The following TACC2 variants were observed in gnomAD, a reference collection of about 807,000 sequenced individuals.
The protein encoded by TACC2 is transforming acidic coiled-coil-containing protein 2.
In TACC2, 137 loss-of-function variants were observed where a neutral mutation model predicts 227.3. The ratio of observed to expected loss-of-function variants is 0.60; its 90% CI spans 0.52 to 0.69. TACC2 has a LOEUF of 0.69. Among genes scored for constraint, TACC2 ranks in the 30% least tolerant of loss-of-function variants. TACC2 has a pLI of 0.00. For missense variants in TACC2, 3,470 were observed against 3,694.4 expected, an observed-to-expected ratio of 0.94 and a Z score of 1.57; for synonymous variants, 1,523 against 1,487.5, an observed-to-expected ratio of 1.02 and a Z score of -0.55.
At chr10:122,226,222 CCT>C in intron 12 of TACC2, 142 bp from the exon 13 acceptor site, 1 of 623,612 alleles carries the variant, frequency 1.6e-6, no homozygotes, top group Admixed American at 2.7e-5. Context: ...CCCACTTCCT[CCT>C]CTCTTCCTGG....
intron 3 of TACC2, chr10:122,051,765 C>A: frequency 8.2e-6 from 1 of 122,460 alleles, no homozygotes; most frequent in East Asian, 2.3e-4. Flanking sequence ...CTCAAAGTGA[C>A]TTTTTTTTTT....
intron 7 of TACC2, among the ~76,000 whole-genome samples, chr10:122,193,990 T>G (rs2094489829): frequency 6.6e-6 from 1 of 152,178 alleles, no homozygotes; most frequent in African/African-American, 2.4e-5. Context: ...CAGTCATAGC[T>G]CACTGCAGCC....
chr10:122,134,828 G>A (rs1025372787), intron 6 of TACC2, among the ~76,000 whole-genome samples: 1 of 152,210 alleles, frequency 6.6e-6, no homozygotes, highest in Non-Finnish European at 1.5e-5. Context: ...GGACTTGGCG[G>A]GATGGCTCTC....
At position 122,085,332 on chromosome 10, in the gene TACC2, A is replaced by G. The variant is rs1283952053; in HGVS notation, c.2832A>G (p.Leu944=). ...SAPTRQKLPA[L]GEKRPEGACG... ...CAACGAGACAGAAGTTGCCTGCACT[A>G]GGGGAGAAGCGGCCAGAGGGAGCAT... Residue 944 remains leucine (L), a synonymous_variant, in exon 4 of 23, where the codon CTA becomes CTG. Transcript: ENST00000369005. The G allele has an allele frequency of 6.2e-7, 1 of 1,613,928 alleles. No individual in the cohort carries two copies. Among genetic ancestry groups the G allele is most frequent in the Non-Finnish European group, 8.5e-7 (1 of 1,180,046 alleles).
chr10:122,070,528 C>G (rs573933031), intron 3 of TACC2, among the ~76,000 whole-genome samples: 1 of 151,900 alleles, frequency 6.6e-6, no homozygotes, highest in Non-Finnish European at 1.5e-5. Flanking sequence ...CTAAGGCGGG[C>G]GGATCACCTG....
chr10:122,203,655 A>G (rs1322184686), intron 8 of TACC2, among the ~76,000 whole-genome samples: 2 of 141,160 alleles, frequency 1.4e-5, no homozygotes, highest in African/African-American at 2.7e-5. Flanking sequence ...CCGGGAAGAG[A>G]CGCTCCTCAC....
intron 2 of TACC2, among the ~76,000 whole-genome samples, chr10:122,041,758 A>G (rs1379027550): frequency 6.6e-6 from 1 of 151,972 alleles, no homozygotes; most frequent in Non-Finnish European, 1.5e-5. Flanking sequence ...GACAGCAGAG[A>G]GTTTCTTTAC....
chr10:122,240,708 A>G (rs2095972482), intron 18 of TACC2, among the ~76,000 whole-genome samples: 1 of 152,168 alleles, frequency 6.6e-6, no homozygotes, highest in African/African-American at 2.4e-5. Context: ...CTGGATCTTC[A>G]ACAGTTATCC....
intron 3 of TACC2, among the ~76,000 whole-genome samples, chr10:122,071,345 G>C (rs1043760085): frequency 6.6e-6 from 1 of 152,134 alleles, no homozygotes; most frequent in African/African-American, 2.4e-5. Context: ...CTGGCTATGG[G>C]GAGTACTGGT....
rs573312725 is a variant in TACC2, at chr10:122,019,140, C to T, written c.-45-2797C>T. ...GTCTTTGGGTCGGTACTCTGCCCCA[C>T]CGGAGGTCCACAGGGCCTCCTCCAT... On this transcript the variant is annotated intron_variant, in intron 1 of 22. Coordinates refer to ENST00000369005, the MANE Select transcript of TACC2 (RefSeq NM_206862.4). Among the ~76,000 whole-genome samples the T allele has an allele frequency of 9.8e-5, 15 of 152,332 alleles. No homozygotes were observed. The South Asian group carries it at 3.1e-3, about 32-fold the overall frequency.
chr10:122,125,033 G>A (rs1357158910), intron 5 of TACC2, among the ~76,000 whole-genome samples: 1 of 151,460 alleles, frequency 6.6e-6, no homozygotes, highest in Non-Finnish European at 1.5e-5. Context: ...CTGCAGCTGG[G>A]AAATCGCCAT....
intron 7 of TACC2, among the ~76,000 whole-genome samples, chr10:122,190,870 A>G (rs530394464): frequency 3.3e-5 from 5 of 152,322 alleles, no homozygotes; most frequent in African/African-American, 7.2e-5. Flanking sequence ...TTATACAAGC[A>G]TATTGTAAAT....
intron 16 of TACC2, among the ~76,000 whole-genome samples, chr10:122,236,790 T>C (rs181725764): frequency 2.6e-5 from 4 of 152,306 alleles, no homozygotes; most frequent in Non-Finnish European, 5.9e-5. Flanking sequence ...AACTCTTACA[T>C]AACTCTAACA....
In TACC2 at chr10:122,085,048, C is replaced by G. The variant is rs779158034; in HGVS notation, c.2548C>G (p.Gln850Glu). ...CTTTGACGTGCTCAAGGAGCAGGCC[C>G]AGCCACCTGAAAATGGGAAAGAGAC... ...SIFDVLKEQA[Q>E]PPENGKETSP... The change falls in exon 4 of 23, where the codon CAG (glutamine) becomes GAG (glutamate). Residue 850 changes from glutamine to glutamate, a missense_variant. By Grantham distance (29) the Gln-to-Glu change is conservative. Coordinates refer to ENST00000369005, the MANE Select transcript of TACC2 (RefSeq NM_206862.4). 1.1e-5 allele frequency: 18 copies of G among 1,614,056 alleles called. No individual in the cohort carries two copies. Among genetic ancestry groups the G allele is most frequent in the Non-Finnish European group, 1.5e-5 (18 of 1,180,038 alleles).
chr10:122,073,126 A>AAAAAAAAT (rs1383487943), intron 3 of TACC2, among the ~76,000 whole-genome samples: 29 of 70,998 alleles, frequency 4.1e-4, no homozygotes, highest in South Asian at 1.6e-3. Flanking sequence ...AAAAAAAAAA[A>AAAAAAAAT]ATATATATAT....
Position 122,211,964 on chromosome 10 carries a change from G to A in TACC2, c.7283+256G>A, listed in dbSNP as rs140917396. 6.6e-3 allele frequency among the ~76,000 whole-genome samples: 1,009 copies of A among 152,280 alleles called. 15 individuals are homozygous for A. Among genetic ancestry groups the A allele is most frequent in the African/African-American group, 0.022 (923 of 41,546 alleles). On this transcript the variant is annotated intron_variant, in intron 9 of 22. Coordinates refer to ENST00000369005, the MANE Select transcript of TACC2 (RefSeq NM_206862.4). Reference sequence around the variant, plus strand: ...TTTTGCTTTAATAAATCAATGGGCTGGAGCTTTACTTGTAGCCAAAGACCT... The same window carrying A: ...TTTTGCTTTAATAAATCAATGGGCTAGAGCTTTACTTGTAGCCAAAGACCT...
rs975074198 is a variant in TACC2 at position 122,141,305 on chromosome 10, G to C, written c.5700-2267G>C. ...TTCCTCGTGGGAGCCTGACCTCCTCGGCCCCTGGGTATGAGCCAACAGGCG... is the reference window on the plus strand; with the variant it reads ...TTCCTCGTGGGAGCCTGACCTCCTCCGCCCCTGGGTATGAGCCAACAGGCG... On this transcript the variant is annotated intron_variant, in intron 6 of 22. Coordinates refer to ENST00000369005, the MANE Select transcript of TACC2 (RefSeq NM_206862.4). The surrounding 1 kb of genome is among the most constrained non-coding windows in gnomAD (Gnocchi z 4.3). Among the ~76,000 whole-genome samples the C allele has an allele frequency of 6.6e-6, 1 of 152,242 alleles. No individual in the cohort carries two copies.
chr10:122,091,263 A>T (rs902646226), intron 5 of TACC2, among the ~76,000 whole-genome samples: 1 of 152,084 alleles, frequency 6.6e-6, no homozygotes, highest in African/African-American at 2.4e-5. Context: ...TGAAAAAAAA[A>T]GAAAATACAT....
intron 6 of TACC2, among the ~76,000 whole-genome samples, chr10:122,135,507 T>A (rs1197181577): frequency 1.3e-5 from 2 of 152,298 alleles, no homozygotes; most frequent in East Asian, 3.9e-4. Context: ...GAATGAGCAA[T>A]TTTGGTGCCT....
Sources: gnomAD v4.1 joint callset for allele counts (sites outside exome capture counted in the v4.1 genomes callset) on GRCh38, gnomAD v4.1.1 for gene constraint, Gnocchi (gnomAD v3.1) non-coding constraint, MANE v1.5 for transcripts, NCBI Gene and HGNC (gene_info 2026-07-23, HGNC 2026-07-21) for gene names.